Variants in SUPT3H observed in about 807,000 individuals in gnomAD.
SUPT3H encodes the protein SPT3 homolog, SAGA and STAGA complex component, also known as transcription initiation protein SPT3 homolog.
SUPT3H carries 44 observed loss-of-function variants against 44.3 expected under a neutral mutation model. The ratio of observed to expected loss-of-function variants is 0.99; its 90% CI spans 0.78 to 1.28. The LOEUF (loss-of-function observed/expected upper bound fraction) is 1.28. Ranked by LOEUF, SUPT3H falls within the 50% of genes most tolerant of loss-of-function variation. The pLI is 0.00. For synonymous variants in SUPT3H, 124 were observed against 125.6 expected (o/e 0.99, Z 0.09); for missense variants, 380 against 387.1 (o/e 0.98, Z 0.15).
chr6:44,926,743 G>T (rs1769573625), intron 10 of SUPT3H, among the ~76,000 whole-genome samples: 1 of 152,012 alleles, frequency 6.6e-6, no homozygotes, highest in South Asian at 2.1e-4. Flanking sequence ...ATTTGTTAAG[G>T]TCGTCATGAG....
rs190930900 is a variant in SUPT3H at position 44,816,993 on chromosome 6, C to T, written c.*53-7492G>A. Among the ~76,000 whole-genome samples, 325 of 152,076 alleles carry T rather than the reference C, an allele frequency of 2.1e-3. 1 individual carries two copies. The highest frequency in any genetic ancestry group is 7.5e-3 in the African/African-American group (311 of 41,486). Reference sequence around the variant, plus strand: ...AGAAGATGGCTTGAGCCCAGGAGTTCCAGGTTGCAGTGAGCTATGATCATG... The same window carrying T: ...AGAAGATGGCTTGAGCCCAGGAGTTTCAGGTTGCAGTGAGCTATGATCATG... On this transcript the variant is annotated intron_variant and NMD_transcript_variant, in intron 11 of 11. Coordinates refer to the SUPT3H transcript ENST00000475057.
intron 2 of SUPT3H, among the ~76,000 whole-genome samples, chr6:45,165,523 A>G (rs182286047): frequency 2.5e-4 from 38 of 152,354 alleles, no homozygotes; most frequent in African/African-American, 8.9e-4. Flanking sequence ...CAAATCTAGT[A>G]TCAGAGATAA....
intron 2 of SUPT3H, among the ~76,000 whole-genome samples, chr6:45,291,012 G>A (rs1021864228): frequency 3.3e-5 from 5 of 152,112 alleles, no homozygotes; most frequent in Non-Finnish European, 4.4e-5. Flanking sequence ...AAACCTGAAA[G>A]GACCCACAGA....
chr6:44,845,253 G>A (rs1402901810), intron 10 of SUPT3H, among the ~76,000 whole-genome samples: 2 of 152,106 alleles, frequency 1.3e-5, no homozygotes, highest in African/African-American at 4.8e-5. Context: ...AAACAGATAC[G>A]TGAGGCATAA....
At chr6:44,821,158 A>G (rs1343720451) in intron 11 of SUPT3H, among the ~76,000 whole-genome samples, 1 of 152,214 alleles carries the variant, frequency 6.6e-6, no homozygotes, top group Non-Finnish European at 1.5e-5. Context: ...GGTCTGAGAA[A>G]GTAACATGAT....
chr6:44,874,924 C>A (rs1244725259), intron 10 of SUPT3H, among the ~76,000 whole-genome samples: 1 of 140,476 alleles, frequency 7.1e-6, no homozygotes, highest in Non-Finnish European at 1.5e-5. Flanking sequence ...GAATAAAATA[C>A]CTAGGAATCC....
chr6:45,157,252 AT>A (rs1398464865), intron 2 of SUPT3H, among the ~76,000 whole-genome samples: 1 of 152,084 alleles, frequency 6.6e-6, no homozygotes, highest in Non-Finnish European at 1.5e-5. Context: ...ATGGTTATCA[AT>A]TTTTATATTT....
intron 2 of SUPT3H, among the ~76,000 whole-genome samples, chr6:45,253,557 G>A (rs144710668): frequency 6.6e-6 from 1 of 152,146 alleles, no homozygotes; most frequent in Non-Finnish European, 1.5e-5. Context: ...TTGGGAGGCT[G>A]AAGTGGGAGG....
chr6:44,841,390 C>G (rs1306129031), intron 10 of SUPT3H, among the ~76,000 whole-genome samples: 2 of 152,054 alleles, frequency 1.3e-5, no homozygotes, highest in Non-Finnish European at 2.9e-5. Flanking sequence ...TTTTCCCCAC[C>G]AAAACTATTT....
At chr6:45,354,540 T>C (rs1009825095) in intron 2 of SUPT3H, among the ~76,000 whole-genome samples, 1 of 148,452 alleles carries the variant, frequency 6.7e-6, no homozygotes, top group Non-Finnish European at 1.5e-5. Context: ...ATTCAGGGAT[T>C]GTCTCAGTTT....
In SUPT3H at chr6:44,826,786, C is replaced by G. The variant is rs1418308422; in HGVS notation, c.*3030G>C. Among the ~76,000 whole-genome samples the G allele has an allele frequency of 1.3e-5, 2 of 152,106 alleles. No individual in the cohort carries two copies. Among genetic ancestry groups the G allele is most frequent in the African/African-American group, 2.4e-5 (1 of 41,444 alleles). On this transcript the variant is annotated 3_prime_UTR_variant, in exon 11 of 11. Transcript: ENST00000371459. Reference sequence around the variant, plus strand: ...TTTGTCTTCTACATGGTAAAAGCATCAGACATGGCTTGTTTATTATTTTAT... The same window carrying G: ...TTTGTCTTCTACATGGTAAAAGCATGAGACATGGCTTGTTTATTATTTTAT...
At chr6:44,853,149 T>G (rs1267802503) in intron 10 of SUPT3H, among the ~76,000 whole-genome samples, 1 of 152,226 alleles carries the variant, frequency 6.6e-6, no homozygotes, top group Non-Finnish European at 1.5e-5. Flanking sequence ...ATTTAACATG[T>G]ATTAACTTAT....
At chr6:45,268,019 G>A (rs1366036222) in intron 2 of SUPT3H, among the ~76,000 whole-genome samples, 2 of 152,138 alleles carry the variant, frequency 1.3e-5, no homozygotes, top group Non-Finnish European at 2.9e-5. Context: ...TGACATTAAG[G>A]TTGAAACATC....
At chr6:45,376,586 C>T (rs1479682950) in intron 1 of SUPT3H, among the ~76,000 whole-genome samples, 2 of 152,212 alleles carry the variant, frequency 1.3e-5, no homozygotes, top group South Asian at 2.1e-4. Context: ...GTGAAAAGTG[C>T]AGCCCTAGAC....
chr6:44,901,606 A>G (rs185656703), intron 10 of SUPT3H, among the ~76,000 whole-genome samples: 17,524 of 150,636 alleles, frequency 0.12, 1,099 homozygotes, highest in African/African-American at 0.18. Context: ...TCTGCAGGAT[A>G]TTATCCAGGA....
intron 9 of SUPT3H, among the ~76,000 whole-genome samples, chr6:44,946,194 G>C (rs1773311474): frequency 6.6e-6 from 1 of 152,112 alleles, no homozygotes; most frequent in Admixed American, 6.5e-5. Flanking sequence ...AATAATTACT[G>C]CTCATTGACA....
chr6:45,218,068 T>A (rs1305232151), intron 2 of SUPT3H, among the ~76,000 whole-genome samples: 7 of 152,000 alleles, frequency 4.6e-5, no homozygotes, highest in Non-Finnish European at 1.5e-5. Flanking sequence ...CATAATTAAA[T>A]GAAAATTGTT....
In SUPT3H at chr6:45,088,372, C is replaced by CT. The variant is rs367932138; in HGVS notation, c.186+17549dup. Among the ~76,000 whole-genome samples the CT allele has an allele frequency of 4.7e-3, 716 of 152,106 alleles. 9 individuals carry two copies. The highest frequency in any genetic ancestry group is 0.016 in the African/African-American group (668 of 41,552). ...TCTTTCTGCCTCTTAGTGTCTTTGCCTTTGACACTCTGTTACTCCAAATGT... is the reference window on the plus strand; with the variant it reads ...TCTTTCTGCCTCTTAGTGTCTTTGCCTTTTGACACTCTGTTACTCCAAATGT... On this transcript the variant is annotated intron_variant, in intron 3 of 10. Transcript: ENST00000371459.
chr6:45,116,275 A>G (rs1800830095), intron 2 of SUPT3H, among the ~76,000 whole-genome samples: 1 of 152,148 alleles, frequency 6.6e-6, no homozygotes, highest in Non-Finnish European at 1.5e-5. Context: ...AAAAGCTGAA[A>G]TAACAGTGGA....
Sources: allele counts gnomAD v4.1 joint callset (sites outside exome capture counted in the v4.1 genomes callset), GRCh38; gene constraint gnomAD v4.1.1; transcripts MANE v1.5; gene names NCBI Gene and HGNC (gene_info 2026-07-23, HGNC 2026-07-21).